Variants in SETDB1 observed in about 807,000 individuals in gnomAD.
SETDB1 encodes histone-lysine N-methyltransferase SETDB1.
In SETDB1, 31 loss-of-function variants were observed where a neutral mutation model predicts 137.4. The observed-to-expected ratio is 0.23, with a 90% CI of 0.17 to 0.30. The LOEUF (loss-of-function observed/expected upper bound fraction) is 0.30. Ranked by LOEUF, SETDB1 falls within the 10% of genes least tolerant of loss-of-function variation. SETDB1 has a pLI of 1.00. For missense variants in SETDB1, 1,113 were observed against 1,631.5 expected, an observed-to-expected ratio of 0.68 and a Z score of 5.47; for synonymous variants, 548 against 579.9, an observed-to-expected ratio of 0.95 and a Z score of 0.79.
At position 150,944,955 on chromosome 1, in the gene SETDB1, C is replaced by T. The variant is rs1256658300; in HGVS notation, c.987C>T (p.Cys329=). The T allele has an allele frequency of 1.2e-6, 2 of 1,614,056 alleles. No individual in the cohort carries two copies. Among genetic ancestry groups the T allele is most frequent in the South Asian group, 1.1e-5 (1 of 91,078 alleles). The change falls in exon 9 of 22, where the codon TGC becomes TGT. Residue 329 remains cysteine (C), a synonymous_variant. Transcript: ENST00000692827. ...GGGAGGACATAGAAGACATCTCCTGCCGTGACTTCATAGAGGAGTATGTCA... is the reference window on the plus strand; with the variant it reads ...GGGAGGACATAGAAGACATCTCCTGTCGTGACTTCATAGAGGAGTATGTCA... The part of the protein sequence containing the change: ...KTWEDIEDIS[C]RDFIEEYVTA...
At chr1:150,945,588 C>G (rs1431092825) in intron 9 of SETDB1, among the ~76,000 whole-genome samples, 1 of 152,154 alleles carries the variant, frequency 6.6e-6, no homozygotes, top group African/African-American at 2.4e-5. Context: ...TTTAATACTG[C>G]TGCTTGCAGA....
intron 19 of SETDB1, 55 bp downstream of exon 19, chr1:150,963,194 A>G: frequency 6.6e-7 from 1 of 1,526,318 alleles, no homozygotes. Context: ...AACTTGGGAT[A>G]GAGCATTTTT....
chr1:150,954,756 G>A (rs1670593473), intron 14 of SETDB1, among the ~76,000 whole-genome samples: 2 of 152,168 alleles, frequency 1.3e-5, no homozygotes, highest in South Asian at 2.1e-4. Context: ...TTTTAAACTC[G>A]GGCAAACTAT....
rs17661357 is a variant in SETDB1, at chr1:150,950,623, T to C, written c.1749T>C (p.Cys583=). The C allele has an allele frequency of 0.066, 107,304 of 1,614,100 alleles. 4,043 individuals are homozygous for C. Among genetic ancestry groups the C allele is most frequent in the Middle Eastern group, 0.12 (705 of 6,062 alleles). The stretch of plus-strand genomic sequence containing the variant: ...TACCTCATGTCTGCAGCTATACCTG[T>C]CTGTCTCGAGTCAGACCTATGAGGA... The part of the protein sequence containing the change: ...FYLPHVCSYT[C]LSRVRPMRNE... The change falls in exon 13 of 22, where the codon TGT becomes TGC. Residue 583 remains cysteine (C), a synonymous_variant. Coordinates refer to ENST00000692827, the MANE Select transcript of SETDB1 (RefSeq NM_001366418.1).
At chr1:150,961,473 G>A (rs1670819539) in intron 16 of SETDB1, 1 of 381,492 alleles carries the variant, frequency 2.6e-6, no homozygotes, top group Non-Finnish European at 4.9e-6. Flanking sequence ...GGCCAACATG[G>A]TGAAACCCCG....
In SETDB1 at chr1:150,962,943, T is replaced by C. The variant is rs952178189; in HGVS notation, c.3295-31T>C. The C allele has an allele frequency of 9.3e-6, 15 of 1,605,932 alleles. No homozygotes were observed. The East Asian group carries it at 2.9e-4, about 31-fold the overall frequency. Reference sequence around the variant, plus strand: ...CTTAAAGGAGCCCTTCCCATTTACTTCTCTTACTTCTTACCCTCCTGCTTC... The same window carrying C: ...CTTAAAGGAGCCCTTCCCATTTACTCCTCTTACTTCTTACCCTCCTGCTTC... On this transcript the variant is annotated intron_variant, in intron 18 of 21. Transcript: ENST00000692827.
At chr1:150,930,636 C>A (rs1669702247) in intron 3 of SETDB1, among the ~76,000 whole-genome samples, 1 of 130,846 alleles carries the variant, frequency 7.6e-6, no homozygotes, top group Non-Finnish European at 1.5e-5. Flanking sequence ...TCAAGCAATT[C>A]TCTGCTTCGA....
Position 150,961,040 on chromosome 1 carries a change from G to T in SETDB1, c.2981G>T (p.Gly994Val). 1 of 1,613,882 alleles carries T rather than the reference G, an allele frequency of 6.2e-7. No homozygotes were observed. Among genetic ancestry groups the T allele is most frequent in the Non-Finnish European group, 8.5e-7 (1 of 1,179,900 alleles). Residue 994 changes from glycine to valine, a missense_variant, in exon 16 of 22, where the codon GGT (glycine) becomes GTT (valine). By Grantham distance (109) the Gly-to-Val change is moderately radical. Around this residue, in one of 11 missense-constraint regions of SETDB1, gnomAD observed 373 missense variants for 412.7 expected, o/e 0.90. Transcript: ENST00000692827. The stretch of plus-strand genomic sequence containing the variant: ...TTGAGCTGCAATAGTGTCAGTGAAG[G>T]TGGTTTTGCTGACTCTGATAGCCAT... ...SWLSCNSVSEGGFADSDSHSS... is the reference protein window; with the variant it reads ...SWLSCNSVSEVGFADSDSHSS...
chr1:150,947,077 A>T, intron 10 of SETDB1, 65 bp downstream of exon 10: 1 of 1,584,968 alleles, frequency 6.3e-7, no homozygotes, highest in Non-Finnish European at 8.6e-7. Flanking sequence ...GATTATATAC[A>T]ATGGCTATCC....
intron 14 of SETDB1, among the ~76,000 whole-genome samples, chr1:150,957,701 A>G (rs762197203): frequency 2.6e-5 from 4 of 152,156 alleles, no homozygotes; most frequent in Non-Finnish European, 5.9e-5. Context: ...AAAATAATTA[A>G]AATTTTTTTC....
chr1:150,961,483 G>A (rs754111228), intron 16 of SETDB1: 31 of 360,916 alleles, frequency 8.6e-5, no homozygotes, highest in South Asian at 1.5e-4. Context: ...GTGAAACCCC[G>A]TCTCTACTAA....
chr1:150,949,479 A>C lies in SETDB1; in HGVS notation c.1537A>C (p.Ser513Arg). The C allele has an allele frequency of 6.2e-7, 1 of 1,614,084 alleles. No homozygotes were observed. Among genetic ancestry groups the C allele is most frequent in the Non-Finnish European group, 8.5e-7 (1 of 1,180,014 alleles). ...GHSSPTSPAL[S>R]ENVSGGKPGI... The stretch of plus-strand genomic sequence containing the variant: ...TTCCTCCCCTACATCTCCTGCACTC[A>C]GTGAAAATGTCTCTGGTGGGAAACC... Residue 513 changes from serine to arginine, a missense_variant, in exon 12 of 22, where the codon AGT becomes CGT. Physicochemically the swap from Ser to Arg is moderately radical, Grantham distance 110. Around this residue, in one of 11 missense-constraint regions of SETDB1, gnomAD observed 192 missense variants for 198.1 expected, o/e 0.97. Coordinates refer to ENST00000692827, the MANE Select transcript of SETDB1 (RefSeq NM_001366418.1).
Position 150,950,965 on chromosome 1 carries a change from G to A in SETDB1, c.2091G>A (p.Glu697=), listed in dbSNP as rs771956827. The A allele has an allele frequency of 3.8e-5, 61 of 1,613,948 alleles. No individual in the cohort carries two copies. Among genetic ancestry groups the A allele is most frequent in the Non-Finnish European group, 5.1e-5 (60 of 1,179,996 alleles). ...KEDVPLSCVN[E]IDTTPPPQVA... is the part of the protein sequence containing the mutation. ...ATGTTCCCCTATCCTGTGTCAATGAGATTGACACAACCCCTCCACCCCAGG... is the reference window on the plus strand; with the variant it reads ...ATGTTCCCCTATCCTGTGTCAATGAAATTGACACAACCCCTCCACCCCAGG... The change falls in exon 13 of 22, where the codon GAG becomes GAA. Residue 697 remains glutamate, a synonymous_variant. Transcript: ENST00000692827.
chr1:150,945,133 G>A, intron 9 of SETDB1, 25 bp downstream of exon 9: 1 of 1,613,824 alleles, frequency 6.2e-7, no homozygotes. Context: ...TACAATTTTG[G>A]AGGCAGAGGT....
At chr1:150,950,311 G>T in intron 12 of SETDB1, 147 bp from the exon 13 acceptor site, 2 of 683,420 alleles carry the variant, frequency 2.9e-6, no homozygotes, top group East Asian at 2.6e-5. Flanking sequence ...GTTTGGTAGG[G>T]CAAGGGAAGA....
At chr1:150,956,623 A>G (rs1402001682) in intron 14 of SETDB1, among the ~76,000 whole-genome samples, 1 of 152,168 alleles carries the variant, frequency 6.6e-6, no homozygotes, top group Non-Finnish European at 1.5e-5. Context: ...TGCAGGTTAC[A>G]TGGTATGCTG....
At position 150,926,531 on chromosome 1, in the gene SETDB1, T is replaced by TC; in HGVS notation, c.-12+14_-12+15insC. ...GGAAGACGGGAGGTGCGGGGAATAC[T>TC]GTTGAGTTATTTGGTGACCAAAGGC... On this transcript the variant is annotated intron_variant, in intron 1 of 21. Coordinates refer to ENST00000692827, the MANE Select transcript of SETDB1 (RefSeq NM_001366418.1). 2.8e-6 allele frequency: 1 copy of TC among 352,824 alleles called. No individual in the cohort carries two copies. The highest frequency in any genetic ancestry group is 2.2e-5 in the South Asian group (1 of 45,376). The allele number at this position is 352,824 out of a possible 1,614,324, so 21.9% of individuals were successfully genotyped here.
At chr1:150,946,709 A>G (rs937713576) in intron 9 of SETDB1, among the ~76,000 whole-genome samples, 177 bp from the exon 10 acceptor site, 2 of 152,170 alleles carry the variant, frequency 1.3e-5, no homozygotes, top group African/African-American at 4.8e-5. Flanking sequence ...CAGCCTCCCA[A>G]AGTGCTGGGA....
intron 9 of SETDB1, among the ~76,000 whole-genome samples, chr1:150,946,405 G>C (rs1378639489): frequency 6.6e-6 from 1 of 151,762 alleles, no homozygotes; most frequent in Non-Finnish European, 1.5e-5. Context: ...TTGTGTTCCT[G>C]ATACCCATCA....
Sources: gnomAD v4.1 joint callset for allele counts (sites outside exome capture counted in the v4.1 genomes callset) on GRCh38, gnomAD v4.1.1 for gene constraint, gnomAD v4.1.1 regional missense constraint, MANE v1.5 for transcripts, NCBI Gene and HGNC (gene_info 2026-07-23, HGNC 2026-07-21) for gene names.